TAFA1: variants seen among roughly 807,000 people sequenced by gnomAD.
TAFA1 encodes TAFA chemokine like family member 1.
In TAFA1, 4 loss-of-function variants were observed where a neutral mutation model predicts 18.5. The observed-to-expected ratio is 0.22, with a 90% CI of 0.11 to 0.49. The LOEUF (loss-of-function observed/expected upper bound fraction) is 0.49. TAFA1 is among the 20% of genes least tolerant of loss of function. The probability of loss-of-function intolerance (pLI) is 0.98; values close to 1 mark genes in which losing one functional copy is unlikely to be tolerated. For missense variants in TAFA1, 147 were observed against 169.0 expected (o/e 0.87, Z 0.72); for synonymous variants, 56 against 55.2 (o/e 1.01, Z -0.06).
chr3:68,379,908 C>T (rs999352808), intron 2 of TAFA1, among the ~76,000 whole-genome samples: 1 of 151,838 alleles, frequency 6.6e-6, no homozygotes, highest in African/African-American at 2.4e-5. Context: ...TAATGCTATC[C>T]CTTCCCCTTC....
intron 2 of TAFA1, among the ~76,000 whole-genome samples, chr3:68,290,898 T>TAA (rs199858808): frequency 1.4e-5 from 2 of 146,984 alleles, no homozygotes; most frequent in African/African-American, 2.5e-5. Flanking sequence ...ATCCTTTTCT[T>TAA]AAAAAAAAAA....
intron 2 of TAFA1, among the ~76,000 whole-genome samples, chr3:68,168,109 CTGTT>C (rs1346711621): frequency 8.7e-6 from 1 of 115,100 alleles, no homozygotes; most frequent in African/African-American, 3.2e-5. Flanking sequence ...AACTTTTGGT[CTGTT>C]TATTTGTCCT....
chr3:68,235,745 G>C (rs1012691329), intron 2 of TAFA1, among the ~76,000 whole-genome samples: 1 of 152,006 alleles, frequency 6.6e-6, no homozygotes, highest in Non-Finnish European at 1.5e-5. Context: ...TACATATATT[G>C]GTAAAAAGAA....
chr3:68,155,710 T>C (rs966883125), intron 2 of TAFA1, among the ~76,000 whole-genome samples: 3 of 152,152 alleles, frequency 2.0e-5, no homozygotes, highest in African/African-American at 7.2e-5. Flanking sequence ...GGAAAGTGCT[T>C]CACATGATAC....
chr3:68,280,196 A>C (rs1433726462), intron 2 of TAFA1, among the ~76,000 whole-genome samples: 1 of 152,178 alleles, frequency 6.6e-6, no homozygotes, highest in East Asian at 1.9e-4. Context: ...AAGGACTTTT[A>C]AAAGGGGGAA....
chr3:68,026,486 C>A (rs1482401843), intron 2 of TAFA1, among the ~76,000 whole-genome samples: 1 of 151,794 alleles, frequency 6.6e-6, no homozygotes, highest in Non-Finnish European at 1.5e-5. Flanking sequence ...ATAATAATAC[C>A]CAAAACTAAT....
intron 2 of TAFA1, among the ~76,000 whole-genome samples, chr3:68,080,902 G>T (rs1293448153): frequency 2.0e-5 from 3 of 152,112 alleles, no homozygotes; most frequent in Non-Finnish European, 4.4e-5. Context: ...ATATCCTGCA[G>T]AGTGTTTTCC....
chr3:68,344,247 C>T (rs1369061887), intron 2 of TAFA1, among the ~76,000 whole-genome samples: 1 of 152,050 alleles, frequency 6.6e-6, no homozygotes, highest in African/African-American at 2.4e-5. Flanking sequence ...AGAACATAAA[C>T]ATCTGTTAGG....
At chr3:68,080,891 A>G (rs1359652553) in intron 2 of TAFA1, among the ~76,000 whole-genome samples, 1 of 152,138 alleles carries the variant, frequency 6.6e-6, no homozygotes. Flanking sequence ...TCTCCTGGAT[A>G]ATATCCTGCA....
chr3:68,493,033 T>C (rs1157079456), intron 3 of TAFA1, among the ~76,000 whole-genome samples: 1 of 152,188 alleles, frequency 6.6e-6, no homozygotes, highest in Non-Finnish European at 1.5e-5. Flanking sequence ...TAGCCATTTT[T>C]AAGTGTACAG....
intron 2 of TAFA1, among the ~76,000 whole-genome samples, chr3:68,080,410 G>T (rs1032506692): frequency 1.3e-5 from 2 of 151,990 alleles, no homozygotes; most frequent in Non-Finnish European, 2.9e-5. Context: ...TCCTAGTCTC[G>T]ATGGTCTTTA....
At chr3:68,040,036 G>C (rs1705131915) in intron 2 of TAFA1, among the ~76,000 whole-genome samples, 1 of 152,202 alleles carries the variant, frequency 6.6e-6, no homozygotes, top group Non-Finnish European at 1.5e-5. Flanking sequence ...GACATGCACA[G>C]TAGGAAGCTG....
intron 2 of TAFA1, among the ~76,000 whole-genome samples, chr3:68,249,220 T>C (rs1366406502): frequency 6.6e-6 from 1 of 152,194 alleles, no homozygotes; most frequent in African/African-American, 2.4e-5. Flanking sequence ...GATGGAGGAA[T>C]GTGGATGTTA....
chr3:68,253,727 A>G (rs568275670), intron 2 of TAFA1, among the ~76,000 whole-genome samples: 3 of 152,208 alleles, frequency 2.0e-5, no homozygotes, highest in African/African-American at 7.2e-5. Context: ...GGATTTTATC[A>G]TGACATTTTT....
In TAFA1 at chr3:68,450,017, G is replaced by T. The variant is rs918215409; in HGVS notation, c.259+32597G>T. 9.9e-5 allele frequency among the ~76,000 whole-genome samples: 15 copies of T among 152,260 alleles called. 1 individual carries two copies. Among genetic ancestry groups the T allele is most frequent in the African/African-American group, 2.4e-4 (10 of 41,566 alleles). On this transcript the variant is annotated intron_variant, in intron 3 of 4. Transcript: ENST00000478136. ...AGGCTGCCAGACTCATGGAAAATGG[G>T]TTTTTTGGGACAGAACTGGAGGCAG...
chr3:68,383,470 C>T (rs367908182), intron 2 of TAFA1, among the ~76,000 whole-genome samples: 23 of 151,922 alleles, frequency 1.5e-4, no homozygotes, highest in Admixed American at 5.3e-4. Flanking sequence ...TTTGTTTATG[C>T]GATGAATCAC....
At chr3:67,998,642 C>T in the TAFA1 span, among the ~76,000 whole-genome samples, 1 of 152,220 alleles carries the variant, frequency 6.6e-6, no homozygotes, top group Non-Finnish European at 1.5e-5. Flanking sequence ...TTCTCTTGTT[C>T]CTATGTGGAT....
intron 2 of TAFA1, among the ~76,000 whole-genome samples, chr3:68,074,582 G>A (rs993374771): frequency 2.0e-5 from 3 of 152,118 alleles, no homozygotes; most frequent in Non-Finnish European, 2.9e-5. Context: ...AAAGAAAAAA[G>A]TATATAAGGC....
chr3:68,127,969 G>T (rs530676496), intron 2 of TAFA1, among the ~76,000 whole-genome samples: 1 of 151,958 alleles, frequency 6.6e-6, no homozygotes, highest in African/African-American at 2.4e-5. Context: ...AGTGGTGATG[G>T]TGGTGGTGAT....
Sources: allele counts gnomAD v4.1 joint callset (sites outside exome capture counted in the v4.1 genomes callset), GRCh38; gene constraint gnomAD v4.1.1; transcripts MANE v1.5; gene names NCBI Gene and HGNC (gene_info 2026-07-23, HGNC 2026-07-21).